The following COL24A1 variants were observed in gnomAD, a reference collection of about 807,000 sequenced individuals.
The protein encoded by COL24A1 is collagen alpha-1(XXIV) chain.
COL24A1 carries 224 observed loss-of-function variants against 253.9 expected under a neutral mutation model. The ratio of observed to expected loss-of-function variants is 0.88; its 90% CI spans 0.79 to 0.99. The LOEUF is 0.99. Among genes scored for constraint, COL24A1 ranks in the 50% least tolerant of loss-of-function variants. COL24A1 has a pLI of 0.00. For missense variants in COL24A1, 2,131 were observed against 2,068.5 expected (o/e 1.03, Z -0.59); for synonymous variants, 685 against 673.7 (o/e 1.02, Z -0.26).
In COL24A1 at chr1:85,734,919, G is replaced by T; in HGVS notation, c.4828C>A (p.Leu1610Met). Reference sequence around the variant, plus strand: ...ATGATATGGGTGGCTTCCGAACTCAGTAAATGAAGGAAGTTCATCTGGACT... The same window carrying T: ...ATGATATGGGTGGCTTCCGAACTCATTAAATGAAGGAAGTTCATCTGGACT... ...GKVQMNFLHL[L>M]SSEATHIITI... Residue 1610 changes from leucine to methionine, a missense_variant, in exon 59 of 60, where the codon CTG becomes ATG. Coordinates refer to ENST00000370571, the MANE Select transcript of COL24A1 (RefSeq NM_152890.7). The T allele has an allele frequency of 6.2e-7, 1 of 1,614,214 alleles. No homozygotes were observed. The highest frequency in any genetic ancestry group is 1.1e-5 in the South Asian group (1 of 91,084).
chr1:85,953,988 G>A (rs1398088236), intron 24 of COL24A1, among the ~76,000 whole-genome samples: 1 of 152,140 alleles, frequency 6.6e-6, no homozygotes, highest in Non-Finnish European at 1.5e-5. Flanking sequence ...ACTCACATCT[G>A]AAAAAGACTG....
chr1:85,986,024 CA>C (rs1318838833), intron 20 of COL24A1, among the ~76,000 whole-genome samples: 3 of 151,874 alleles, frequency 2.0e-5, no homozygotes, highest in Non-Finnish European at 4.4e-5. Context: ...TTGTCTGCTT[CA>C]CAAATTCCTA....
At chr1:85,754,599 T>C (rs1475825027) in intron 55 of COL24A1, among the ~76,000 whole-genome samples, 1 of 135,898 alleles carries the variant, frequency 7.4e-6, no homozygotes, top group Non-Finnish European at 1.6e-5. Flanking sequence ...GATGTCTTAC[T>C]AAGTAGAGAA....
chr1:85,774,113 A>G lies in COL24A1; in HGVS notation c.4374+1561T>C, dbSNP rs148883006. Reference sequence around the variant, plus strand: ...GAATTTTGTCGAAGGCATTTTCTGCATCTATTGAGATAATCATGTGGTTTT... The same window carrying G: ...GAATTTTGTCGAAGGCATTTTCTGCGTCTATTGAGATAATCATGTGGTTTT... On this transcript the variant is annotated intron_variant, in intron 53 of 59. Coordinates refer to ENST00000370571, the MANE Select transcript of COL24A1 (RefSeq NM_152890.7). Among the ~76,000 whole-genome samples, 1,431 of 152,304 alleles carry G rather than the reference A, an allele frequency of 9.4e-3. 57 individuals are homozygous for G. Among genetic ancestry groups the G allele is most frequent in the Admixed American group, 0.063 (970 of 15,276 alleles).
chr1:85,787,139 A>G (rs1323242442), intron 47 of COL24A1, among the ~76,000 whole-genome samples: 2 of 152,006 alleles, frequency 1.3e-5, no homozygotes, highest in African/African-American at 4.8e-5. Flanking sequence ...ATTCATTTAC[A>G]TATTGTTTAG....
In COL24A1 at chr1:85,768,326, A is replaced by C. The variant is rs146205643; in HGVS notation, c.4375-6760T>G. On this transcript the variant is annotated intron_variant, in intron 53 of 59. Transcript: ENST00000370571. ...CTAAGTGCAAGAAGAAGTCATAGGG[A>C]GGTGTTTAAAGAGGAGAATGATATA... Among the ~76,000 whole-genome samples, 602 of 152,180 alleles carry C rather than the reference A, an allele frequency of 4.0e-3. 1 individual carries two copies. Among genetic ancestry groups the C allele is most frequent in the Non-Finnish European group, 6.3e-3 (426 of 68,010 alleles).
rs1379961604 is a variant in COL24A1, at chr1:85,970,275, A to T, written c.2419-4T>A. On this transcript the variant is annotated splice_region_variant and splice_polypyrimidine_tract_variant and intron_variant, in intron 21 of 59. Coordinates refer to ENST00000370571, the MANE Select transcript of COL24A1 (RefSeq NM_152890.7). ...CTCCAATTGGTCCTTCTTCTCCCTT[A>T]AAAAAAAAAAAAGTCAGAACATATT... 3.1e-5 allele frequency: 10 copies of T among 322,346 alleles called. No homozygotes were observed. The highest frequency in any genetic ancestry group is 1.5e-4 in the South Asian group (2 of 13,144). 20.0% of individuals were successfully genotyped at this position (322,346 alleles called of 1,614,324 possible).
At chr1:86,002,311 G>T (rs979476627) in intron 19 of COL24A1, among the ~76,000 whole-genome samples, 17 of 152,226 alleles carry the variant, frequency 1.1e-4, no homozygotes, top group African/African-American at 4.1e-4. Flanking sequence ...CCCCTGCGGA[G>T]ATCGCATAGA....
Position 85,875,333 on chromosome 1 carries a change from A to T in COL24A1, c.3031-3T>A. 3.1e-6 allele frequency: 5 copies of T among 1,613,056 alleles called. No individual in the cohort carries two copies. The highest frequency in any genetic ancestry group is 3.4e-6 in the Non-Finnish European group (4 of 1,179,096). The stretch of plus-strand genomic sequence containing the variant: ...TCTCCCTCAGTGCCTGGAGGTCCCT[A>T]CAAGAGAATAATTTAACACATTACA... On this transcript the variant is annotated splice_region_variant and splice_polypyrimidine_tract_variant and intron_variant, in intron 33 of 59. Coordinates refer to ENST00000370571, the MANE Select transcript of COL24A1 (RefSeq NM_152890.7).
rs79449357 is a variant in COL24A1 at position 86,147,529 on chromosome 1, C to A, written c.57-1346G>T. Among the ~76,000 whole-genome samples, 9 of 152,226 alleles carry A rather than the reference C, an allele frequency of 5.9e-5. No homozygotes were observed. The East Asian group carries it at 1.7e-3, about 29-fold the overall frequency. On this transcript the variant is annotated intron_variant, in intron 1 of 59. Transcript: ENST00000370571. The stretch of plus-strand genomic sequence containing the variant: ...ACTAAACCATATATTCTAATGAGGC[C>A]TATGAAACATTCTTATATATGGCAT...
At chr1:86,003,948 C>T (rs79832745) in intron 19 of COL24A1, among the ~76,000 whole-genome samples, 12,784 of 152,200 alleles carry the variant, frequency 0.084, 667 homozygotes, top group Middle Eastern at 0.19. Context: ...GGCCAGTTGA[C>T]ATTAGCCAGC....
At chr1:85,798,200 T>A (rs1323889912) in intron 47 of COL24A1, among the ~76,000 whole-genome samples, 7 of 139,022 alleles carry the variant, frequency 5.0e-5, no homozygotes, top group Non-Finnish European at 6.1e-5. Context: ...CTGTCTCTAT[T>A]AAAAAAAAAA....
At chr1:85,989,666 CTATT>C (rs749939025) in intron 19 of COL24A1, among the ~76,000 whole-genome samples, 1 of 152,106 alleles carries the variant, frequency 6.6e-6, no homozygotes, top group African/African-American at 2.4e-5. Flanking sequence ...TTGGTGGTCT[CTATT>C]TATCTCTCTT....
intron 33 of COL24A1, among the ~76,000 whole-genome samples, chr1:85,876,103 C>T (rs1681133770): frequency 6.6e-6 from 1 of 151,792 alleles, no homozygotes; most frequent in Non-Finnish European, 1.5e-5. Flanking sequence ...GCTCTTGAAA[C>T]ATTTAAAGGA....
At chr1:86,066,609 G>C (rs1026711960) in intron 7 of COL24A1, among the ~76,000 whole-genome samples, 6 of 152,074 alleles carry the variant, frequency 3.9e-5, no homozygotes, top group African/African-American at 1.4e-4. Flanking sequence ...TTGTTTGTTT[G>C]CTTTACTGAT....
At chr1:85,755,063 C>T (rs962839097) in intron 55 of COL24A1, among the ~76,000 whole-genome samples, 1 of 152,098 alleles carries the variant, frequency 6.6e-6, no homozygotes, top group African/African-American at 2.4e-5. Context: ...AGAGGAAGCT[C>T]ATCATGTCCG....
At chr1:86,004,494 A>C (rs1695742728) in intron 19 of COL24A1, among the ~76,000 whole-genome samples, 1 of 152,222 alleles carries the variant, frequency 6.6e-6, no homozygotes, top group Non-Finnish European at 1.5e-5. Context: ...CTAAAGTTAT[A>C]ATTGATGTGC....
intron 1 of COL24A1, among the ~76,000 whole-genome samples, chr1:86,148,948 TAGTTTACAG>T (rs1652335458): frequency 6.6e-6 from 1 of 152,176 alleles, no homozygotes; most frequent in Non-Finnish European, 1.5e-5. Flanking sequence ...ATGGTTGAAC[TAGTTTACAG>T]TCCCACCAAC....
At chr1:86,032,399 T>C (rs372803225) in intron 13 of COL24A1, among the ~76,000 whole-genome samples, 336 of 152,324 alleles carry the variant, frequency 2.2e-3, no homozygotes, top group African/African-American at 7.7e-3. Context: ...CAATATTTGT[T>C]CTCACTGTAA....
Sources: gnomAD v4.1 joint callset for allele counts (sites outside exome capture counted in the v4.1 genomes callset) on GRCh38, gnomAD v4.1.1 for gene constraint, MANE v1.5 for transcripts, NCBI Gene and HGNC (gene_info 2026-07-23, HGNC 2026-07-21) for gene names.